LRRTM3: variants seen among roughly 807,000 people sequenced by gnomAD.
LRRTM3 encodes leucine-rich repeat transmembrane neuronal protein 3.
LRRTM3 carries 24 observed loss-of-function variants against 44.7 expected under a neutral mutation model. The ratio of observed to expected loss-of-function variants is 0.54; its 90% confidence interval spans 0.39 to 0.76. The LOEUF is 0.76. Among genes scored for constraint, LRRTM3 ranks in the 30% least tolerant of loss-of-function variants. LRRTM3 has a pLI of 0.00. For missense variants in LRRTM3, 587 were observed against 702.2 expected (o/e 0.84, Z 1.85); for synonymous variants, 277 against 278.7 (o/e 0.99, Z 0.06).
chr10:67,059,646 G>C (rs1233189706), intron 2 of LRRTM3, among the ~76,000 whole-genome samples: 1 of 152,074 alleles, frequency 6.6e-6, no homozygotes, highest in Non-Finnish European at 1.5e-5. Flanking sequence ...TCTTGAGAAA[G>C]TAAATCTGTC....
chr10:66,965,359 A>G (rs1849344167), intron 2 of LRRTM3, among the ~76,000 whole-genome samples: 1 of 151,820 alleles, frequency 6.6e-6, no homozygotes, highest in East Asian at 1.9e-4. Flanking sequence ...ACATGGTGAA[A>G]CCCTGTCTCT....
chr10:66,995,349 T>A (rs1366838726), intron 2 of LRRTM3, among the ~76,000 whole-genome samples: 1 of 152,142 alleles, frequency 6.6e-6, no homozygotes. Flanking sequence ...TCTTTTTCCT[T>A]TTCTTCATAC....
At chr10:66,931,345 C>CGTA (rs1847379179) in intron 2 of LRRTM3, among the ~76,000 whole-genome samples, 1 of 152,130 alleles carries the variant, frequency 6.6e-6, no homozygotes, top group Non-Finnish European at 1.5e-5. Context: ...CATAGTGCTA[C>CGTA]CACAGCATGT....
intron 2 of LRRTM3, among the ~76,000 whole-genome samples, chr10:66,952,379 T>C (rs1028291744): frequency 1.3e-5 from 2 of 152,166 alleles, no homozygotes; most frequent in Non-Finnish European, 2.9e-5. Context: ...AATCAAATCT[T>C]CAGAGACAAA....
chr10:67,101,441 C>A lies in LRRTM3; in HGVS notation c.*3645C>A, dbSNP rs565605103. 3.7e-5 allele frequency among the ~76,000 whole-genome samples: 4 copies of A among 108,156 alleles called. No individual in the cohort carries two copies. In the South Asian group the frequency reaches 1.0e-3, roughly 28 times the overall value. 71.0% of individuals were successfully genotyped at this position (108,156 alleles called of 152,430 possible). ...TTTTTTTACTTGTAATAATAGAGAA[C>A]AATTTTCTCCATTTTCTTATAAGAA... On this transcript the variant is annotated 3_prime_UTR_variant, in exon 3 of 3. Transcript: ENST00000361320.
At chr10:66,938,117 T>A (rs1020552576) in intron 2 of LRRTM3, among the ~76,000 whole-genome samples, 1 of 152,334 alleles carries the variant, frequency 6.6e-6, no homozygotes, top group South Asian at 2.1e-4. Flanking sequence ...TTCAACTCTA[T>A]GGAAACTTAA....
chr10:67,035,516 T>C (rs1853993685), intron 2 of LRRTM3, among the ~76,000 whole-genome samples: 1 of 152,194 alleles, frequency 6.6e-6, no homozygotes, highest in Admixed American at 6.5e-5. Context: ...GGAGAAAGTT[T>C]ACTTGTTTTT....
At chr10:66,962,915 A>G (rs947465752) in intron 2 of LRRTM3, among the ~76,000 whole-genome samples, 1 of 152,112 alleles carries the variant, frequency 6.6e-6, no homozygotes, top group Non-Finnish European at 1.5e-5. Flanking sequence ...TTTGCCTGGT[A>G]TGTTCACAGA....
chr10:66,973,021 C>T (rs772414763), intron 2 of LRRTM3, among the ~76,000 whole-genome samples: 1 of 152,180 alleles, frequency 6.6e-6, no homozygotes, highest in African/African-American at 2.4e-5. Context: ...AGCAGTTTTA[C>T]ATCATGTTTA....
rs867507205 is a variant in LRRTM3 at position 67,038,740 on chromosome 10, T to C, written c.1537-58847T>C. 3.3e-5 allele frequency among the ~76,000 whole-genome samples: 5 copies of C among 152,220 alleles called. No individual in the cohort carries two copies. In the South Asian group the frequency reaches 6.2e-4, roughly 19 times the overall value. ...CAGTCCAAAATCATTAGTCAGGTCA[T>C]TGGCAGAACCAGGAGTTCAATATGA... On this transcript the variant is annotated intron_variant, in intron 2 of 2. Transcript: ENST00000361320.
chr10:66,962,411 T>C (rs1044941820), intron 2 of LRRTM3, among the ~76,000 whole-genome samples: 3 of 140,192 alleles, frequency 2.1e-5, no homozygotes, highest in African/African-American at 5.5e-5. Flanking sequence ...TTTTTGTTTT[T>C]GTTTTTGTTT....
chr10:66,955,095 G>T (rs1013170550), intron 2 of LRRTM3, among the ~76,000 whole-genome samples: 4 of 152,072 alleles, frequency 2.6e-5, no homozygotes, highest in Non-Finnish European at 5.9e-5. Context: ...AAAATAGAAG[G>T]AAGACTTCCT....
chr10:67,087,876 C>T (rs1370882226), intron 2 of LRRTM3, among the ~76,000 whole-genome samples: 2 of 151,988 alleles, frequency 1.3e-5, no homozygotes, highest in African/African-American at 2.4e-5. Flanking sequence ...AATAAATACA[C>T]ATATAGTGCT....
intron 2 of LRRTM3, among the ~76,000 whole-genome samples, chr10:67,090,712 G>C (rs769300630): frequency 6.6e-5 from 10 of 152,014 alleles, no homozygotes; most frequent in African/African-American, 9.7e-5. Context: ...AAATAATGAA[G>C]AGAATATTAG....
At chr10:66,977,688 A>G (rs184524464) in intron 2 of LRRTM3, among the ~76,000 whole-genome samples, 21 of 152,310 alleles carry the variant, frequency 1.4e-4, no homozygotes, top group African/African-American at 5.1e-4. Flanking sequence ...AAATCTTCAG[A>G]TAGCTATCTA....
intron 2 of LRRTM3, among the ~76,000 whole-genome samples, chr10:67,037,800 G>C (rs1447338710): frequency 6.6e-6 from 1 of 152,152 alleles, no homozygotes; most frequent in East Asian, 1.9e-4. Flanking sequence ...GGTAGTTACA[G>C]TCAGTGAGTT....
At chr10:66,958,766 C>G (rs1277328338) in intron 2 of LRRTM3, among the ~76,000 whole-genome samples, 1 of 152,124 alleles carries the variant, frequency 6.6e-6, no homozygotes, top group African/African-American at 2.4e-5. Flanking sequence ...AATTTTGATT[C>G]TCACACTCTT....
At chr10:66,979,911 G>A (rs554589102) in intron 2 of LRRTM3, among the ~76,000 whole-genome samples, 1 of 152,274 alleles carries the variant, frequency 6.6e-6, no homozygotes, top group South Asian at 2.1e-4. Context: ...ATTTTGTTGT[G>A]TTCTGCTTTG....
intron 2 of LRRTM3, among the ~76,000 whole-genome samples, chr10:66,960,067 T>C (rs7085158): frequency 0.32 from 48,899 of 151,970 alleles, 8,450 homozygotes; most frequent in African/African-American, 0.43. Flanking sequence ...CTCATAGCTA[T>C]TTGAAATTTT....
Sources: allele counts gnomAD v4.1 joint callset (sites outside exome capture counted in the v4.1 genomes callset), GRCh38; gene constraint gnomAD v4.1.1; transcripts MANE v1.5; gene names NCBI Gene and HGNC (gene_info 2026-07-23, HGNC 2026-07-21).